The following DYNC2H1 variants were observed in gnomAD, a reference collection of about 807,000 sequenced individuals.
The protein encoded by DYNC2H1 is cytoplasmic dynein 2 heavy chain 1.
A neutral mutation model predicts 570.0 loss-of-function variants in DYNC2H1; 410 were observed. The observed-to-expected ratio is 0.72, with a 90% CI of 0.66 to 0.78. The LOEUF (loss-of-function observed/expected upper bound fraction) is 0.78. Ranked by LOEUF, DYNC2H1 falls within the 30% of genes least tolerant of loss-of-function variation. The probability of loss-of-function intolerance (pLI) is 0.00; values close to 1 mark genes in which losing one functional copy is unlikely to be tolerated. For synonymous variants in DYNC2H1, 1,688 were observed against 1,677.6 expected (o/e 1.01, Z -0.15); for missense variants, 4,865 against 5,046.4 (o/e 0.96, Z 1.09).
At chr11:103,476,823 G>A (rs575012882) in intron 88 of DYNC2H1, among the ~76,000 whole-genome samples, 1 of 152,238 alleles carries the variant, frequency 6.6e-6, no homozygotes, top group South Asian at 2.1e-4. Context: ...TGCCCACTTA[G>A]GCTTAAAAGT....
chr11:103,297,432 T>C (rs1866880104), intron 75 of DYNC2H1, among the ~76,000 whole-genome samples: 1 of 152,124 alleles, frequency 6.6e-6, no homozygotes, highest in Non-Finnish European at 1.5e-5. Flanking sequence ...TTCTAAGAAA[T>C]GTGTCAGGCA....
intron 82 of DYNC2H1, among the ~76,000 whole-genome samples, chr11:103,352,891 A>G (rs1240660641): frequency 2.0e-5 from 3 of 152,364 alleles, no homozygotes; most frequent in Admixed American, 1.3e-4. Context: ...GAGACATGGA[A>G]TCAACCCAAT....
intron 83 of DYNC2H1, among the ~76,000 whole-genome samples, chr11:103,392,595 C>T (rs1040180634): frequency 4.6e-5 from 7 of 152,190 alleles, no homozygotes; most frequent in Non-Finnish European, 1.0e-4. Context: ...GAGCTTTAGA[C>T]TGGAGCTGTT....
chr11:103,111,412 A>G (rs1565306173), intron 1 of DYNC2H1, among the ~76,000 whole-genome samples: 1 of 152,210 alleles, frequency 6.6e-6, no homozygotes, highest in East Asian at 1.9e-4. Context: ...TTCTTATTTT[A>G]TGGCTGAGGA....
In DYNC2H1 at chr11:103,256,318, A is replaced by G. The variant is rs1399869646; in HGVS notation, c.10461+78A>G. 1 of 1,372,942 alleles carries G rather than the reference A, an allele frequency of 7.3e-7. No homozygotes were observed. The highest frequency in any genetic ancestry group is 1.5e-5 in the African/African-American group (1 of 68,214). The allele number at this position is 1,372,942 out of a possible 1,614,324, so 85.0% of individuals were successfully genotyped here. On this transcript the variant is annotated intron_variant, in intron 68 of 88. Coordinates refer to ENST00000375735, the MANE Select transcript of DYNC2H1 (RefSeq NM_001377.3). This position sits in a 1 kb window ranked among gnomAD's most constrained non-coding sequence, Gnocchi z 4.0. The stretch of plus-strand genomic sequence containing the variant: ...TTAATATGATAGAAAATGTAGAATC[A>G]GGTCCTCAGGGGAAAGATGATGTGA...
Position 103,425,800 on chromosome 11 carries a change from C to CA in DYNC2H1, c.12367-10135dup, listed in dbSNP as rs556085056. ...TAAATCTCAAAATAATTATACATAA[C>CA]AAAAAAAAGAAGGTTAAAAGTTTAA... On this transcript the variant is annotated intron_variant, in intron 84 of 88. Transcript: ENST00000375735. Among the ~76,000 whole-genome samples, 428 of 150,492 alleles carry CA rather than the reference C, an allele frequency of 2.8e-3. 1 individual carries two copies. The highest frequency in any genetic ancestry group is 9.9e-3 in the African/African-American group (406 of 41,108).
chr11:103,405,188 G>T (rs888659873), intron 84 of DYNC2H1: 1 of 151,830 alleles, frequency 6.6e-6, no homozygotes, highest in East Asian at 1.9e-4. Flanking sequence ...CCCTAGCAGG[G>T]TCAAAAAAAG....
chr11:103,432,575 A>G (rs1943931235), intron 84 of DYNC2H1, among the ~76,000 whole-genome samples: 1 of 152,170 alleles, frequency 6.6e-6, no homozygotes, highest in South Asian at 2.1e-4. Flanking sequence ...GAACTCAAAT[A>G]AGAAAATCAC....
chr11:103,158,575 A>G (rs1203063475), intron 26 of DYNC2H1, 102 bp from the exon 27 acceptor site: 5 of 871,744 alleles, frequency 5.7e-6, no homozygotes, highest in Non-Finnish European at 8.8e-6. Context: ...TAATAGTGTT[A>G]CCTTTAGTTC....
intron 84 of DYNC2H1, 126 bp downstream of exon 84, chr11:103,399,998 AT>A: frequency 2.7e-6 from 2 of 732,184 alleles, no homozygotes; most frequent in Non-Finnish European, 4.3e-6. Context: ...CTTAAGCCAT[AT>A]AAAAATTAAT....
rs540938809 is a variant in DYNC2H1, at chr11:103,243,331, A to G, written c.9820-362A>G. Among the ~76,000 whole-genome samples the G allele has an allele frequency of 2.6e-5, 4 of 152,246 alleles. No individual in the cohort carries two copies. The highest frequency in any genetic ancestry group is 6.5e-5 in the Admixed American group (1 of 15,272). ...TAAATAGAGAATAATTTGACTGTGTATTATAAAAGCCAAAAAGAATGCTGC... is the reference window on the plus strand; with the variant it reads ...TAAATAGAGAATAATTTGACTGTGTGTTATAAAAGCCAAAAAGAATGCTGC... On this transcript the variant is annotated intron_variant, in intron 63 of 88. Transcript: ENST00000375735. This position sits in a 1 kb window ranked among gnomAD's most constrained non-coding sequence, Gnocchi z 4.8.
chr11:103,184,768 A>G, intron 40 of DYNC2H1, 128 bp from the exon 41 acceptor site: 1 of 824,404 alleles, frequency 1.2e-6, no homozygotes, highest in South Asian at 3.0e-5. Context: ...AACTTTCTAC[A>G]GTTTGAATAG....
chr11:103,139,341 G>T (rs1859762574), intron 17 of DYNC2H1, among the ~76,000 whole-genome samples: 1 of 150,864 alleles, frequency 6.6e-6, no homozygotes, highest in African/African-American at 2.4e-5. Flanking sequence ...GCTTTCTCTT[G>T]TGGGCATTTA....
At chr11:103,267,595 A>G (rs1865560777) in intron 70 of DYNC2H1, among the ~76,000 whole-genome samples, 1 of 151,954 alleles carries the variant, frequency 6.6e-6, no homozygotes, top group African/African-American at 2.4e-5. Flanking sequence ...ATATTGTATA[A>G]TGTATTATCT....
intron 83 of DYNC2H1, among the ~76,000 whole-genome samples, chr11:103,358,703 T>G (rs1203228231): frequency 6.6e-6 from 1 of 152,172 alleles, no homozygotes; most frequent in African/African-American, 2.4e-5. Context: ...TTTCCAACTT[T>G]TTTTTAAGTG....
Position 103,479,266 on chromosome 11 carries a change from A to T in DYNC2H1, c.*13A>T. ...AAAAAATCAGTAGAATCTAATGACA[A>T]CAAAAGCCATCTTCACAAAAGGGAA... On this transcript the variant is annotated 3_prime_UTR_variant, in exon 89 of 89. Coordinates refer to ENST00000375735, the MANE Select transcript of DYNC2H1 (RefSeq NM_001377.3). 6.2e-7 allele frequency: 1 copy of T among 1,602,954 alleles called. No individual in the cohort carries two copies. Among genetic ancestry groups the T allele is most frequent in the South Asian group, 1.1e-5 (1 of 89,190 alleles).
chr11:103,413,978 T>C (rs994960208), intron 84 of DYNC2H1, among the ~76,000 whole-genome samples: 2 of 152,202 alleles, frequency 1.3e-5, no homozygotes, highest in Non-Finnish European at 2.9e-5. Flanking sequence ...AAGTACATTA[T>C]TGTAAGGACT....
rs746724759 is a variant in DYNC2H1, at chr11:103,170,068, T to C, written c.4969-40T>C. 3 of 1,482,978 alleles carry C rather than the reference T, an allele frequency of 2.0e-6. No individual in the cohort carries two copies. The highest frequency in any genetic ancestry group is 2.7e-6 in the Non-Finnish European group (3 of 1,102,618). The allele number at this position is 1,482,978 out of a possible 1,614,324, so 91.9% of individuals were successfully genotyped here. A position where few individuals can be genotyped will look rare whatever the true frequency, so the allele number is the denominator to read the frequency against. On this transcript the variant is annotated intron_variant, in intron 32 of 88. Coordinates refer to ENST00000375735, the MANE Select transcript of DYNC2H1 (RefSeq NM_001377.3). This position sits in a 1 kb window ranked among gnomAD's most constrained non-coding sequence, Gnocchi z 4.8. The stretch of plus-strand genomic sequence containing the variant: ...TGTAAAAATATTTGTAAATGTTGAA[T>C]AGAACATGAATACTCTGACTTTGTG...
At chr11:103,370,486 G>A (rs890668489) in intron 83 of DYNC2H1, among the ~76,000 whole-genome samples, 2 of 152,152 alleles carry the variant, frequency 1.3e-5, no homozygotes, top group Non-Finnish European at 2.9e-5. Context: ...ATAGGCCATA[G>A]CCAAGGAGTG....
Sources: gnomAD v4.1 joint callset for allele counts (sites outside exome capture counted in the v4.1 genomes callset) on GRCh38, gnomAD v4.1.1 for gene constraint, Gnocchi (gnomAD v3.1) non-coding constraint, MANE v1.5 for transcripts, NCBI Gene and HGNC (gene_info 2026-07-23, HGNC 2026-07-21) for gene names.